IMMP2L: variants seen among roughly 807,000 people sequenced by gnomAD.
IMMP2L encodes the protein mitochondrial inner membrane protease subunit 2.
IMMP2L carries 18 observed loss-of-function variants against 19.3 expected under a neutral mutation model. The observed-to-expected ratio is 0.93, with a 90% CI of 0.64 to 1.38. IMMP2L has a LOEUF of 1.38. IMMP2L is among the 40% of genes most tolerant of loss of function. IMMP2L has a pLI of 0.00. For synonymous variants in IMMP2L, 76 were observed against 73.0 expected, an observed-to-expected ratio of 1.04 and a Z score of -0.21; for missense variants, 233 against 218.2, an observed-to-expected ratio of 1.07 and a Z score of -0.43.
intron 3 of IMMP2L, among the ~76,000 whole-genome samples, chr7:111,066,217 G>A (rs10233469): frequency 0.78 from 117,609 of 151,746 alleles, 48,107 homozygotes; most frequent in Non-Finnish European, 0.9. Flanking sequence ...TCCTGACCTC[G>A]TGATCCACCC....
chr7:110,722,874 G>GA (rs1408395236), intron 5 of IMMP2L, among the ~76,000 whole-genome samples: 1 of 152,074 alleles, frequency 6.6e-6, no homozygotes, highest in African/African-American at 2.4e-5. Flanking sequence ...GCAAGTTTGT[G>GA]AAAATAAAAG....
At chr7:111,001,918 G>T (rs1021557345) in intron 3 of IMMP2L, among the ~76,000 whole-genome samples, 3 of 151,898 alleles carry the variant, frequency 2.0e-5, no homozygotes, top group African/African-American at 7.3e-5. Flanking sequence ...GTAGTTAAAG[G>T]CTGCAAAATT....
intron 3 of IMMP2L, among the ~76,000 whole-genome samples, chr7:111,190,717 C>G (rs2129612913): frequency 6.6e-6 from 1 of 152,214 alleles, no homozygotes; most frequent in Middle Eastern, 3.4e-3. Flanking sequence ...ACACTTTTCA[C>G]TGACATTACA....
At chr7:110,723,365 C>G (rs1795694620) in intron 5 of IMMP2L, among the ~76,000 whole-genome samples, 1 of 152,184 alleles carries the variant, frequency 6.6e-6, no homozygotes, top group Admixed American at 6.5e-5. Context: ...GCTTTTGATC[C>G]TCCAGTTGAG....
chr7:111,190,583 G>C (rs530523579), intron 3 of IMMP2L, among the ~76,000 whole-genome samples: 1 of 152,198 alleles, frequency 6.6e-6, no homozygotes, highest in African/African-American at 2.4e-5. Context: ...AAGAGTGAAA[G>C]TTGGTGTCTG....
At chr7:110,894,744 T>C (rs1811150834) in intron 4 of IMMP2L, among the ~76,000 whole-genome samples, 1 of 152,208 alleles carries the variant, frequency 6.6e-6, no homozygotes, top group Admixed American at 6.5e-5. Context: ...TCTTTTAAAA[T>C]ACATGTTTTT....
At chr7:111,439,858 C>A (rs578117776) in intron 3 of IMMP2L, among the ~76,000 whole-genome samples, 2 of 151,906 alleles carry the variant, frequency 1.3e-5, no homozygotes, top group African/African-American at 4.9e-5. Context: ...CCTTTAAAAC[C>A]CTGTCACTGC....
At chr7:111,184,244 T>TGGG (rs1808029358) in intron 3 of IMMP2L, among the ~76,000 whole-genome samples, 1 of 151,992 alleles carries the variant, frequency 6.6e-6, no homozygotes, top group African/African-American at 2.4e-5. Context: ...GGGAAAATAA[T>TGGG]GGAAATGAGT....
intron 3 of IMMP2L, among the ~76,000 whole-genome samples, chr7:111,218,470 C>G (rs1157943584): frequency 6.6e-6 from 1 of 150,826 alleles, no homozygotes; most frequent in East Asian, 1.9e-4. Flanking sequence ...TTTTTTTTTC[C>G]CATTACAATG....
chr7:111,544,662 G>A (rs912410468), intron 1 of IMMP2L, among the ~76,000 whole-genome samples: 2 of 152,102 alleles, frequency 1.3e-5, no homozygotes, highest in Non-Finnish European at 2.9e-5. Flanking sequence ...AATCGAAAAG[G>A]TGGCCTTTGT....
intron 3 of IMMP2L, among the ~76,000 whole-genome samples, chr7:111,308,938 G>T (rs1823190454): frequency 6.6e-6 from 1 of 152,088 alleles, no homozygotes; most frequent in South Asian, 2.1e-4. Context: ...ACAGCTGTGT[G>T]AAGATACTGG....
intron 5 of IMMP2L, among the ~76,000 whole-genome samples, chr7:110,746,905 T>G (rs1464438093): frequency 6.6e-6 from 1 of 151,886 alleles, no homozygotes; most frequent in East Asian, 1.9e-4. Context: ...CTAAGATCAG[T>G]GCAGAACTGA....
chr7:110,847,593 A>G (rs1030557070), intron 5 of IMMP2L, among the ~76,000 whole-genome samples: 2 of 152,200 alleles, frequency 1.3e-5, no homozygotes, highest in Non-Finnish European at 2.9e-5. Context: ...GGAGAAGGAA[A>G]AAACCTGGAA....
chr7:111,547,536 CT>C (rs1849046205), intron 1 of IMMP2L, among the ~76,000 whole-genome samples: 1 of 134,994 alleles, frequency 7.4e-6, no homozygotes, highest in Non-Finnish European at 1.6e-5. Flanking sequence ...TGCTTTTTTG[CT>C]TGTTTTTTTT....
At chr7:110,934,071 T>G (rs1815807582) in intron 4 of IMMP2L, among the ~76,000 whole-genome samples, 1 of 152,230 alleles carries the variant, frequency 6.6e-6, no homozygotes, top group Non-Finnish European at 1.5e-5. Flanking sequence ...AGAACTTATT[T>G]ATTTCTGCCG....
chr7:110,820,382 T>C (rs1802916661), intron 5 of IMMP2L, among the ~76,000 whole-genome samples: 2 of 152,070 alleles, frequency 1.3e-5, no homozygotes, highest in Non-Finnish European at 2.9e-5. Flanking sequence ...AATCTCTTCT[T>C]ATGTGTTTAA....
chr7:111,487,379 T>C lies in IMMP2L; in HGVS notation c.136-38A>G, dbSNP rs762283082. 1.7e-5 allele frequency: 20 copies of C among 1,200,734 alleles called. 1 individual carries two copies. The highest frequency in any genetic ancestry group is 1.2e-4 in the Admixed American group (7 of 59,068). 74.4% of individuals were successfully genotyped at this position (1,200,734 alleles called of 1,614,324 possible). On this transcript the variant is annotated intron_variant, in intron 2 of 5. Transcript: ENST00000405709. ...GAGAAAGAGACACTTCTATCATTTG[T>C]ATTTTTCAATCTTCATGGTTCTTGC... is the stretch of plus-strand genomic sequence containing the variant.
chr7:111,280,701 C>T (rs938354035), intron 3 of IMMP2L, among the ~76,000 whole-genome samples: 11 of 152,018 alleles, frequency 7.2e-5, no homozygotes, highest in African/African-American at 1.7e-4. Context: ...ACAAATTAGG[C>T]GCCTCTTACT....
intron 4 of IMMP2L, among the ~76,000 whole-genome samples, chr7:110,889,772 T>C (rs143887775): frequency 6.6e-6 from 1 of 152,326 alleles, no homozygotes; most frequent in African/African-American, 2.4e-5. Flanking sequence ...ATTTTCAAGC[T>C]TACATGATCT....
Sources: gnomAD v4.1 joint callset for allele counts (sites outside exome capture counted in the v4.1 genomes callset) on GRCh38, gnomAD v4.1.1 for gene constraint, MANE v1.5 for transcripts, NCBI Gene and HGNC (gene_info 2026-07-23, HGNC 2026-07-21) for gene names.